Variants in TRIM6 observed in about 807,000 individuals in gnomAD.
TRIM6 encodes the protein tripartite motif-containing protein 6.
A neutral mutation model predicts 51.2 loss-of-function variants in TRIM6; 43 were observed. That is an observed-to-expected ratio of 0.84 (90% confidence interval 0.66 to 1.08). The LOEUF (loss-of-function observed/expected upper bound fraction) is 1.08. Among genes scored for constraint, TRIM6 ranks in the 50% least tolerant of loss-of-function variants. The pLI is 0.00. For synonymous variants in TRIM6, 215 were observed against 232.4 expected, an observed-to-expected ratio of 0.93 and a Z score of 0.68; for missense variants, 669 against 619.0, an observed-to-expected ratio of 1.08 and a Z score of -0.86.
In TRIM6 at chr11:5,596,758, T is replaced by A; in HGVS notation, c.-140T>A. The stretch of plus-strand genomic sequence containing the variant: ...CTCGGAACGGAACGGAGCAGAGTCG[T>A]GCGTGGTTGAGTTTAGATAAAAGCC... On this transcript the variant is annotated 5_prime_UTR_variant, in exon 1 of 8. Transcript: ENST00000380097. 7.6e-7 allele frequency: 1 copy of A among 1,322,074 alleles called. No homozygotes were observed. The highest frequency in any genetic ancestry group is 1.8e-5 in the Admixed American group (1 of 56,924). The allele number at this position is 1,322,074 out of a possible 1,614,324, so 81.9% of individuals were successfully genotyped here.
rs1848574448 is a variant in TRIM6 at position 5,611,483 on chromosome 11, TCGCTC to T, written c.*142_*146del. 1.3e-6 allele frequency: 1 copy of T among 765,966 alleles called. No individual in the cohort carries two copies. The highest frequency in any genetic ancestry group is 1.7e-5 in the African/African-American group (1 of 57,226). 47.4% of individuals were successfully genotyped at this position (765,966 alleles called of 1,614,324 possible). The stretch of plus-strand genomic sequence containing the variant: ...TTTGAATCTTTTTTGAGATGGAATC[TCGCTC>T]TGTCGCCCAGGCTGGAGTGCACTGG... On this transcript the variant is annotated 3_prime_UTR_variant, in exon 8 of 8. Coordinates refer to ENST00000380097, the MANE Select transcript of TRIM6 (RefSeq NM_001003818.3).
At chr11:5,606,958 C>A (rs939488632) in intron 4 of TRIM6, among the ~76,000 whole-genome samples, 2 of 152,154 alleles carry the variant, frequency 1.3e-5, no homozygotes, top group African/African-American at 4.8e-5. Flanking sequence ...AATCCCAGCA[C>A]TTTGGGAGGC....
chr11:5,596,967 A>C, intron 1 of TRIM6, 53 bp downstream of exon 1: 1 of 1,613,766 alleles, frequency 6.2e-7, no homozygotes, highest in Non-Finnish European at 8.5e-7. Context: ...GGCAGAGGTG[A>C]CAGGGCAGTG....
At chr11:5,602,348 C>T (rs1281981014) in intron 1 of TRIM6, among the ~76,000 whole-genome samples, 1 of 152,006 alleles carries the variant, frequency 6.6e-6, no homozygotes, top group Non-Finnish European at 1.5e-5. Flanking sequence ...GAGGCTGAGG[C>T]AGGAGAATGG....
intron 1 of TRIM6, among the ~76,000 whole-genome samples, chr11:5,601,515 T>C (rs1198103009): frequency 6.6e-6 from 1 of 152,104 alleles, no homozygotes; most frequent in African/African-American, 2.4e-5. Context: ...CCCAGCACTT[T>C]GGGAGGCCAA....
At chr11:5,603,865 C>T in intron 2 of TRIM6, 130 bp downstream of exon 2, 1 of 1,440,348 alleles carries the variant, frequency 6.9e-7, no homozygotes, top group Non-Finnish European at 9.2e-7. Flanking sequence ...AACTGCCTCC[C>T]TGATTAAGAA....
At chr11:5,599,970 T>C (rs1214306901) in intron 1 of TRIM6, among the ~76,000 whole-genome samples, 1 of 152,104 alleles carries the variant, frequency 6.6e-6, no homozygotes, top group African/African-American at 2.4e-5. Context: ...CTAAGTGAGA[T>C]GATGTGGGTA....
At position 5,608,389 on chromosome 11, in the gene TRIM6, A is replaced by T. The variant is rs1450210555; in HGVS notation, c.852A>T (p.Thr284=). 2 of 1,613,788 alleles carry T rather than the reference A, an allele frequency of 1.2e-6. No individual in the cohort carries two copies. Among genetic ancestry groups the T allele is most frequent in the Non-Finnish European group, 1.7e-6 (2 of 1,179,830 alleles). ...CTTCCTAGGATGTGAGTGATGTCACAGAAAGGTATGTGTAAGGAGAACATG... is the reference window on the plus strand; with the variant it reads ...CTTCCTAGGATGTGAGTGATGTCACTGAAAGGTATGTGTAAGGAGAACATG... The part of the protein sequence containing the change: ...MELLQDVSDV[T]ERSEFWTLRK... Residue 284 remains threonine, a synonymous_variant, in exon 5 of 8, where the codon ACA becomes ACT. Coordinates refer to ENST00000380097, the MANE Select transcript of TRIM6 (RefSeq NM_001003818.3).
intron 1 of TRIM6, among the ~76,000 whole-genome samples, chr11:5,600,387 G>T (rs961952515): frequency 6.8e-6 from 1 of 147,500 alleles, no homozygotes; most frequent in Non-Finnish European, 1.5e-5. Context: ...TGTGAGCATC[G>T]CTGCTGCTAA....
rs771889269 is a variant in TRIM6, at chr11:5,611,152, T to C, written c.1361T>C (p.Met454Thr). The C allele has an allele frequency of 2.5e-6, 4 of 1,614,082 alleles. No individual in the cohort carries two copies. In the African/African-American group the frequency reaches 5.3e-5, roughly 22 times the overall value. ...TCTTCCCCTTCCCTGCTTCTCTCCATGACAGTGCCCCCTCGCCGTGTTGGG... is the reference window on the plus strand; with the variant it reads ...TCTTCCCCTTCCCTGCTTCTCTCCACGACAGTGCCCCCTCGCCGTGTTGGG... ...EDSSPSLLLS[M>T]TVPPRRVGVF... Residue 454 changes from methionine (M) to threonine (T), a missense_variant, in exon 8 of 8, where the codon ATG (methionine) becomes ACG (threonine). Transcript: ENST00000380097.
rs760391623 is a variant in TRIM6, at chr11:5,603,385, C to T, written c.157C>T (p.Pro53Ser). 3.1e-6 allele frequency: 5 copies of T among 1,613,862 alleles called. No individual in the cohort carries two copies. In the South Asian group the frequency reaches 3.3e-5, roughly 11 times the overall value. ...CPICLELLTE[P>S]LSIDCGHSFC... is the part of the protein sequence containing the mutation. ...TATCTGCCTGGAGCTCCTAACAGAA[C>T]CCCTGAGCATAGACTGTGGCCACAG... Residue 53 changes from proline to serine, a missense_variant, in exon 2 of 8, where the codon CCC (proline) becomes TCC (serine). By Grantham distance (74) the Pro-to-Ser change is moderately conservative. Coordinates refer to ENST00000380097, the MANE Select transcript of TRIM6 (RefSeq NM_001003818.3).
intron 4 of TRIM6, among the ~76,000 whole-genome samples, chr11:5,607,082 T>C (rs1848262585): frequency 6.6e-6 from 1 of 151,948 alleles, no homozygotes. Context: ...CGGGCGCCTG[T>C]AGTCCCAGCT....
rs777676353 is a variant in TRIM6, at chr11:5,612,550, TAAAGG to T, written c.*1211_*1215del. The T allele has an allele frequency of 6.6e-6, 1 of 152,174 alleles. No homozygotes were observed. Among genetic ancestry groups the T allele is most frequent in the Non-Finnish European group, 1.5e-5 (1 of 68,018 alleles). The allele number at this position is 152,174 out of a possible 1,614,324, so 9.4% of individuals were successfully genotyped here. ...GAAAATATGAACAATATAAAGCACTTAAAGGAAGAGGATGATTTCTTCCAGCTTTT... is the reference window on the plus strand; with the variant it reads ...GAAAATATGAACAATATAAAGCACTTAAGAGGATGATTTCTTCCAGCTTTT... On this transcript the variant is annotated 3_prime_UTR_variant, in exon 8 of 8. Transcript: ENST00000380097.
At chr11:5,597,349 G>A (rs1013348535) in intron 1 of TRIM6, among the ~76,000 whole-genome samples, 3 of 152,128 alleles carry the variant, frequency 2.0e-5, no homozygotes, top group Admixed American at 6.6e-5. Flanking sequence ...TCCATGCCTA[G>A]CTTTAAAAAA....
In TRIM6 at chr11:5,608,490, A is replaced by G. The variant is rs1229454630; in HGVS notation, c.857+96A>G. On this transcript the variant is annotated intron_variant, in intron 5 of 7. Transcript: ENST00000380097. Reference sequence around the variant, plus strand: ...AAAGGGAAGAAGAATCAGAGTGGGGAAGATTCAAGAGAGTAGTCTTGAATC... The same window carrying G: ...AAAGGGAAGAAGAATCAGAGTGGGGGAGATTCAAGAGAGTAGTCTTGAATC... 2.5e-6 allele frequency: 4 copies of G among 1,569,976 alleles called. No individual in the cohort carries two copies. In the African/African-American group the frequency reaches 5.4e-5, roughly 21 times the overall value.
intron 1 of TRIM6, among the ~76,000 whole-genome samples, chr11:5,597,957 A>C (rs931074751): frequency 1.3e-5 from 2 of 152,190 alleles, no homozygotes; most frequent in East Asian, 3.8e-4. Flanking sequence ...TCATTCCAGG[A>C]AAGACTGAGA....
chr11:5,606,472 T>C (rs1229245094), intron 4 of TRIM6, among the ~76,000 whole-genome samples: 1 of 152,214 alleles, frequency 6.6e-6, no homozygotes, highest in African/African-American at 2.4e-5. Context: ...ATTTTGTTTG[T>C]CTTCGTGCTT....
intron 1 of TRIM6, among the ~76,000 whole-genome samples, chr11:5,601,716 C>G (rs987595457): frequency 6.6e-6 from 1 of 152,124 alleles, no homozygotes; most frequent in Non-Finnish European, 1.5e-5. Context: ...CGAGATAGTG[C>G]CACTGCCCTC....
At chr11:5,598,727 CAA>C (rs1225178958) in intron 1 of TRIM6, among the ~76,000 whole-genome samples, 6 of 152,204 alleles carry the variant, frequency 3.9e-5, no homozygotes, top group Non-Finnish European at 7.3e-5. Flanking sequence ...ACATGTTTGA[CAA>C]CACAGTTCCA....
Sources: allele counts gnomAD v4.1 joint callset (sites outside exome capture counted in the v4.1 genomes callset), GRCh38; gene constraint gnomAD v4.1.1; transcripts MANE v1.5; gene names NCBI Gene and HGNC (gene_info 2026-07-23, HGNC 2026-07-21).